Variants in CNGA3 observed in about 807,000 individuals in gnomAD.
CNGA3 encodes cyclic nucleotide-gated channel alpha-3.
A neutral mutation model predicts 46.6 loss-of-function variants in CNGA3; 42 were observed. That is an observed-to-expected ratio of 0.90 (90% CI 0.70 to 1.17). CNGA3 has a LOEUF of 1.17. Among genes scored for constraint, CNGA3 ranks in the 50% most tolerant of loss-of-function variants. CNGA3 has a pLI of 0.00. For synonymous variants in CNGA3, 394 were observed against 369.4 expected, an observed-to-expected ratio of 1.07 and a Z score of -0.76; for missense variants, 893 against 890.7, an observed-to-expected ratio of 1.00 and a Z score of -0.03.
At chr2:98,374,162 A>G (rs1692352803) in intron 2 of CNGA3, among the ~76,000 whole-genome samples, 1 of 152,230 alleles carries the variant, frequency 6.6e-6, no homozygotes, top group Admixed American at 6.5e-5. Flanking sequence ...TGCAAAGTTA[A>G]TTTCCAGTTC....
chr2:98,371,138 G>A (rs566872173), intron 2 of CNGA3, among the ~76,000 whole-genome samples: 3 of 152,152 alleles, frequency 2.0e-5, no homozygotes, highest in Non-Finnish European at 4.4e-5. Context: ...TTTGTTAAAT[G>A]ATTAATGAGA....
At chr2:98,362,046 G>A (rs1292397635) in intron 1 of CNGA3, among the ~76,000 whole-genome samples, 1 of 151,934 alleles carries the variant, frequency 6.6e-6, no homozygotes, top group Non-Finnish European at 1.5e-5. Flanking sequence ...ACTGGCATGA[G>A]ATGGTATGTC....
intron 2 of CNGA3, among the ~76,000 whole-genome samples, chr2:98,375,994 T>C (rs901302341): frequency 6.6e-6 from 1 of 152,180 alleles, no homozygotes; most frequent in African/African-American, 2.4e-5. Context: ...TGGCATGTGG[T>C]TTGTGTATTT....
intron 1 of CNGA3, among the ~76,000 whole-genome samples, chr2:98,354,544 G>A (rs565294264): frequency 2.6e-4 from 39 of 152,262 alleles, no homozygotes; most frequent in African/African-American, 9.1e-4. Flanking sequence ...CAGCACTTTG[G>A]GAGGCTGAAG....
At chr2:98,362,463 G>T (rs1692056634) in intron 1 of CNGA3, among the ~76,000 whole-genome samples, 1 of 151,734 alleles carries the variant, frequency 6.6e-6, no homozygotes. Flanking sequence ...TTACAGATGT[G>T]AACCACTACA....
chr2:98,378,049 C>T, intron 3 of CNGA3: 4 of 1,549,040 alleles, frequency 2.6e-6, no homozygotes, highest in Non-Finnish European at 3.5e-6. Flanking sequence ...CATTGAGGTA[C>T]TTGCTCAGGT....
chr2:98,359,256 C>A (rs1430676714), intron 1 of CNGA3, among the ~76,000 whole-genome samples: 1 of 152,194 alleles, frequency 6.6e-6, no homozygotes, highest in Non-Finnish European at 1.5e-5. Flanking sequence ...GGATGTTACC[C>A]CTTCAGCTTT....
intron 7 of CNGA3, among the ~76,000 whole-genome samples, chr2:98,394,102 T>C (rs1231197643): frequency 3.3e-5 from 5 of 152,032 alleles, no homozygotes; most frequent in African/African-American, 1.2e-4. Flanking sequence ...GGTTGCAGGC[T>C]GGCACTCTGT....
At chr2:98,374,794 T>C (rs1692367509) in intron 2 of CNGA3, among the ~76,000 whole-genome samples, 1 of 152,220 alleles carries the variant, frequency 6.6e-6, no homozygotes, top group African/African-American at 2.4e-5. Flanking sequence ...TTTCAGGCAT[T>C]GAGAAGGAAG....
intron 1 of CNGA3, among the ~76,000 whole-genome samples, chr2:98,367,013 C>G (rs963545743): frequency 5.3e-5 from 8 of 152,010 alleles, no homozygotes; most frequent in Non-Finnish European, 1.2e-4. Flanking sequence ...TGCCCTGTGC[C>G]GCTCCCAGGT....
At chr2:98,365,602 T>C (rs1286323159) in intron 1 of CNGA3, among the ~76,000 whole-genome samples, 1 of 145,324 alleles carries the variant, frequency 6.9e-6, no homozygotes, top group Non-Finnish European at 1.6e-5. Context: ...TTTTGTTCAT[T>C]CTTTTTCATT....
chr2:98,347,874 A>G (rs77018852), intron 1 of CNGA3, among the ~76,000 whole-genome samples: 2,754 of 152,280 alleles, frequency 0.018, 41 homozygotes, highest in Non-Finnish European at 0.024. Flanking sequence ...ACACACTTTC[A>G]TTCATGAAAA....
At chr2:98,369,914 T>A (rs1468811301) in intron 1 of CNGA3, 25 bp from the exon 2 acceptor site, 2 of 1,425,636 alleles carry the variant, frequency 1.4e-6, no homozygotes, top group Admixed American at 3.5e-5. Context: ...CCTGATGACG[T>A]GTCTGCTTTG....
At chr2:98,377,010 T>C (rs916043449) in intron 2 of CNGA3, among the ~76,000 whole-genome samples, 14 of 152,300 alleles carry the variant, frequency 9.2e-5, no homozygotes, top group Admixed American at 5.9e-4. Flanking sequence ...CACCACACCT[T>C]ACCTCTGCCT....
chr2:98,376,509 C>G (rs1284246831), intron 2 of CNGA3, among the ~76,000 whole-genome samples: 1 of 152,094 alleles, frequency 6.6e-6, no homozygotes, highest in Non-Finnish European at 1.5e-5. Flanking sequence ...GTGGCGCAGT[C>G]AAGAGACAGC....
At chr2:98,351,422 G>C (rs1356958898) in intron 1 of CNGA3, among the ~76,000 whole-genome samples, 1 of 152,136 alleles carries the variant, frequency 6.6e-6, no homozygotes, top group Non-Finnish European at 1.5e-5. Flanking sequence ...CTTTATAAGG[G>C]GGAGCGTCCC....
At chr2:98,346,753 T>TC (rs1226963446) in intron 1 of CNGA3, among the ~76,000 whole-genome samples, 1 of 151,652 alleles carries the variant, frequency 6.6e-6, no homozygotes, top group African/African-American at 2.4e-5. Flanking sequence ...CGGCCTCGGC[T>TC]CCCACTCCCC....
At chr2:98,355,365 T>C (rs1691858443) in intron 1 of CNGA3, among the ~76,000 whole-genome samples, 1 of 152,194 alleles carries the variant, frequency 6.6e-6, no homozygotes, top group Admixed American at 6.5e-5. Context: ...TGGAATGTTT[T>C]TATTTTTTCC....
At chr2:98,365,942 G>A (rs1240810783) in intron 1 of CNGA3, among the ~76,000 whole-genome samples, 1 of 152,208 alleles carries the variant, frequency 6.6e-6, no homozygotes, top group Non-Finnish European at 1.5e-5. Flanking sequence ...TGCCCTTGGT[G>A]GAGATGTGTT....
Sources: gnomAD v4.1 joint callset for allele counts (sites outside exome capture counted in the v4.1 genomes callset) on GRCh38, gnomAD v4.1.1 for gene constraint, MANE v1.5 for transcripts, NCBI Gene and HGNC (gene_info 2026-07-23, HGNC 2026-07-21) for gene names.